MACF1: variants seen among roughly 807,000 people sequenced by gnomAD.
MACF1 encodes the protein microtubule-actin cross-linking factor 1.
Under a neutral mutation model 854.8 loss-of-function variants are expected in MACF1, and 193 were observed. That is an observed-to-expected ratio of 0.23 (90% CI 0.20 to 0.25). The LOEUF (loss-of-function observed/expected upper bound fraction) is 0.25. Among genes scored for constraint, MACF1 ranks in the 10% least tolerant of loss-of-function variants. MACF1 has a pLI of 1.00. For missense variants in MACF1, 7,722 were observed against 8,929.1 expected, an observed-to-expected ratio of 0.86 and a Z score of 5.45; for synonymous variants, 3,185 against 3,226.7, an observed-to-expected ratio of 0.99 and a Z score of 0.44.
intron 51 of MACF1, among the ~76,000 whole-genome samples, chr1:39,372,136 C>T (rs1026959073): frequency 6.6e-6 from 1 of 152,092 alleles, no homozygotes. Context: ...TAATTCAGAG[C>T]TTTCCTTCCT....
chr1:39,323,142 C>A (rs1557587304), intron 33 of MACF1, 134 bp downstream of exon 33: 17 of 762,630 alleles, frequency 2.2e-5, no homozygotes, highest in Non-Finnish European at 3.7e-5. Context: ...GAGTTTGAAT[C>A]CAGCATGGGT....
Position 39,485,761 on chromosome 1 carries a change from T to C in MACF1, c.22635T>C (p.Thr7545=). 6.2e-7 allele frequency: 1 copy of C among 1,611,012 alleles called. No individual in the cohort carries two copies. ...KIPTMSKKTT[T]ASPRTPGPKR Reference sequence around the variant, plus strand: ...CAACCATGTCTAAGAAGACCACCACTGCCTCCCCCAGGACTCCAGGTCCCA... The same window carrying C: ...CAACCATGTCTAAGAAGACCACCACCGCCTCCCCCAGGACTCCAGGTCCCA... The change falls in exon 101 of 101, where the codon ACT becomes ACC. Residue 7545 remains threonine, a synonymous_variant. Coordinates refer to ENST00000564288, the MANE Select transcript of MACF1 (RefSeq NM_001394062.1).
intron 58 of MACF1, among the ~76,000 whole-genome samples, chr1:39,406,246 A>T (rs933198789): frequency 2.0e-5 from 3 of 152,214 alleles, no homozygotes; most frequent in Non-Finnish European, 2.9e-5. Flanking sequence ...GCAGATAATA[A>T]GTAATTCGAA....
At chr1:39,108,573 C>T (rs780190358) in intron 2 of MACF1, among the ~76,000 whole-genome samples, 2 of 145,814 alleles carry the variant, frequency 1.4e-5, no homozygotes, top group African/African-American at 2.6e-5. Flanking sequence ...TGCAGTGGCA[C>T]GATCTCCACT....
chr1:39,142,684 T>G (rs905196404), intron 2 of MACF1, among the ~76,000 whole-genome samples: 1 of 152,178 alleles, frequency 6.6e-6, no homozygotes, highest in African/African-American at 2.4e-5. Flanking sequence ...GATGGCTAAT[T>G]AGGGACACCT....
intron 42 of MACF1, 54 bp downstream of exon 42, chr1:39,349,681 G>A (rs996032707): frequency 1.3e-6 from 2 of 1,572,312 alleles, no homozygotes; most frequent in African/African-American, 2.7e-5. Flanking sequence ...CGCTTAGGCT[G>A]GAGTACAGTG....
intron 47 of MACF1, among the ~76,000 whole-genome samples, 170 bp downstream of exon 47, chr1:39,359,434 T>TTTATTC (rs1405549930): frequency 1.2e-4 from 18 of 152,318 alleles, no homozygotes; most frequent in African/African-American, 4.3e-4. Context: ...TCTAATGAAC[T>TTTATTC]TTATTCTTGC....
chr1:39,339,853 A>T (rs1646896893), intron 38 of MACF1, among the ~76,000 whole-genome samples: 2 of 152,090 alleles, frequency 1.3e-5, no homozygotes, highest in Admixed American at 6.5e-5. Flanking sequence ...ATGAAGACAG[A>T]TTGTAGTGGT....
intron 6 of MACF1, among the ~76,000 whole-genome samples, chr1:39,273,826 G>A (rs983625578): frequency 6.6e-6 from 1 of 152,114 alleles, no homozygotes; most frequent in Admixed American, 6.5e-5. Flanking sequence ...TCCTGACCTC[G>A]TAATCCGCCC....
intron 58 of MACF1, among the ~76,000 whole-genome samples, chr1:39,406,781 A>C (rs1569918764): frequency 6.7e-6 from 1 of 148,798 alleles, no homozygotes; most frequent in East Asian, 1.9e-4. Context: ...TAGAATAACC[A>C]CCCATGTTTC....
chr1:39,444,964 T>C (rs1644194676), intron 80 of MACF1, 129 bp downstream of exon 80: 1 of 761,508 alleles, frequency 1.3e-6, no homozygotes, highest in African/African-American at 1.7e-5. Flanking sequence ...ACTGATTCCA[T>C]CTGTGTTGAG....
chr1:39,185,311 A>G (rs1644154010), intron 2 of MACF1, among the ~76,000 whole-genome samples: 1 of 151,628 alleles, frequency 6.6e-6, no homozygotes, highest in Non-Finnish European at 1.5e-5. Flanking sequence ...AAAAACAAAA[A>G]AGGAAAAAGA....
intron 1 of MACF1, among the ~76,000 whole-genome samples, chr1:39,212,204 C>T (rs2148277951): frequency 6.6e-6 from 1 of 152,080 alleles, no homozygotes; most frequent in East Asian, 1.9e-4. Flanking sequence ...CAGGAAATGA[C>T]AAAAGTTGGG....
At chr1:39,477,524 T>C (rs1004611970) in intron 97 of MACF1, among the ~76,000 whole-genome samples, 1 of 151,980 alleles carries the variant, frequency 6.6e-6, no homozygotes, top group Non-Finnish European at 1.5e-5. Context: ...CACCCAGCCA[T>C]TAAGCAATTT....
intron 40 of MACF1, among the ~76,000 whole-genome samples, chr1:39,342,633 C>T (rs1021510374): frequency 1.8e-4 from 27 of 151,420 alleles, no homozygotes; most frequent in Middle Eastern, 3.4e-3. Context: ...ATTCTCCTGC[C>T]GCAGCCTCCC....
chr1:39,287,752 C>A, intron 15 of MACF1, 190 bp downstream of exon 15: 1 of 629,092 alleles, frequency 1.6e-6, no homozygotes, highest in Non-Finnish European at 2.7e-6. Context: ...AGTGATCCTC[C>A]TGCCTCAGTC....
At position 39,204,991 on chromosome 1, in the gene MACF1, A is replaced by G. The variant is rs1223211562; in HGVS notation, c.-32A>G. On this transcript the variant is annotated 5_prime_UTR_variant, in exon 1 of 101. Coordinates refer to ENST00000564288, the MANE Select transcript of MACF1 (RefSeq NM_001394062.1). The stretch of plus-strand genomic sequence containing the variant: ...AGAGGCCTGCGCTGAGCTTGTGGCT[A>G]ACTCAAGGGAGGAGAAAGGACGGGC... The G allele has an allele frequency of 8.5e-6, 6 of 702,744 alleles. No homozygotes were observed. The East Asian group carries it at 1.6e-4, about 19-fold the overall frequency. The allele number at this position is 702,744 out of a possible 1,614,324, so 43.5% of individuals were successfully genotyped here.
Position 39,310,975 on chromosome 1 carries a change from A to G in MACF1, c.3245A>G (p.Asn1082Ser). ...ACTGACAGAGATGCCTGGCAGGACAATGCATTAAGGATTGCAGAGCAAGAG... is the reference window on the plus strand; with the variant it reads ...ACTGACAGAGATGCCTGGCAGGACAGTGCATTAAGGATTGCAGAGCAAGAG... ...SRTDRDAWQD[N>S]ALRIAEQEHT... The change falls in exon 26 of 101, where the codon AAT becomes AGT. Residue 1082 changes from asparagine to serine, a missense_variant. Physicochemically the swap from Asn to Ser is conservative, Grantham distance 46. Around this residue, in one of 15 missense-constraint regions of MACF1, gnomAD observed 1,137 missense variants for 1,263.0 expected, o/e 0.90. Transcript: ENST00000564288. 6.2e-7 allele frequency: 1 copy of G among 1,613,986 alleles called. No homozygotes were observed. The highest frequency in any genetic ancestry group is 8.5e-7 in the Non-Finnish European group (1 of 1,179,932).
At chr1:39,300,087 A>G in intron 21 of MACF1, 123 bp from the exon 22 acceptor site, 2 of 953,990 alleles carry the variant, frequency 2.1e-6, no homozygotes, top group Non-Finnish European at 1.6e-6. Context: ...GGCTCCACCA[A>G]CCATCCCTAC....
Sources: allele counts gnomAD v4.1 joint callset (sites outside exome capture counted in the v4.1 genomes callset), GRCh38; gene constraint gnomAD v4.1.1; regional missense constraint gnomAD v4.1.1; transcripts MANE v1.5; gene names NCBI Gene and HGNC (gene_info 2026-07-23, HGNC 2026-07-21).